Variants in CELF4 observed in about 807,000 individuals in gnomAD.
CELF4 encodes CUGBP Elav-like family member 4, also known as CUG-BP- and ETR-3-like factor 4.
Under a neutral mutation model 59.9 loss-of-function variants are expected in CELF4, and 18 were observed. That is an observed-to-expected ratio of 0.30 (90% CI 0.21 to 0.45). The LOEUF (loss-of-function observed/expected upper bound fraction) is 0.45. CELF4 is among the 20% of genes least tolerant of loss of function. The pLI, the probability that CELF4 is intolerant of heterozygous loss-of-function variation, is 1.00. For synonymous variants in CELF4, 261 were observed against 267.1 expected, an observed-to-expected ratio of 0.98 and a Z score of 0.22; for missense variants, 456 against 689.0, an observed-to-expected ratio of 0.66 and a Z score of 3.79.
At chr18:37,434,115 G>A (rs182807612) in intron 2 of CELF4, among the ~76,000 whole-genome samples, 378 of 152,244 alleles carry the variant, frequency 2.5e-3, no homozygotes, top group African/African-American at 8.7e-3. Context: ...TTGGGGAGAC[G>A]GGAAGCTGCA....
At chr18:37,435,339 G>A (rs2099687771) in intron 2 of CELF4, among the ~76,000 whole-genome samples, 1 of 152,184 alleles carries the variant, frequency 6.6e-6, no homozygotes, top group South Asian at 2.1e-4. Flanking sequence ...CCTGTCTGGT[G>A]TCCATGTGCA....
At chr18:37,445,620 C>T (rs1276543212) in intron 2 of CELF4, among the ~76,000 whole-genome samples, 4 of 151,840 alleles carry the variant, frequency 2.6e-5, no homozygotes, top group East Asian at 1.9e-4. Flanking sequence ...AGACAATGCC[C>T]GCAAGGATGG....
chr18:37,523,975 C>T (rs2099960586), intron 1 of CELF4, among the ~76,000 whole-genome samples: 2 of 152,228 alleles, frequency 1.3e-5, no homozygotes, highest in Admixed American at 6.5e-5. Flanking sequence ...TTTCTGCCTC[C>T]CAGCAGATGG....
At chr18:37,368,363 C>T (rs1450249472) in intron 2 of CELF4, among the ~76,000 whole-genome samples, 1 of 152,136 alleles carries the variant, frequency 6.6e-6, no homozygotes, top group Non-Finnish European at 1.5e-5. Context: ...CTCTTCAGCC[C>T]TTGTTGCCTG....
In CELF4 at chr18:37,426,215, C is replaced by A. The variant is rs562429145; in HGVS notation, c.369+59310G>T. ...AGGGTAAAGTGGACAAAGAACTGGG[C>A]AGGGGGAAGAATATCGGGACACTGG... On this transcript the variant is annotated intron_variant, in intron 2 of 12. Transcript: ENST00000420428. Among the ~76,000 whole-genome samples the A allele has an allele frequency of 1.8e-4, 27 of 152,302 alleles. No individual in the cohort carries two copies. In the South Asian group the frequency reaches 5.4e-3, roughly 30 times the overall value.
At position 37,274,442 on chromosome 18, in the gene CELF4, T is replaced by C; in HGVS notation, c.670A>G (p.Ser224Gly). 3.7e-6 allele frequency: 6 copies of C among 1,613,074 alleles called. No individual in the cohort carries two copies. Among genetic ancestry groups the C allele is most frequent in the Non-Finnish European group, 5.1e-6 (6 of 1,179,820 alleles). ...GSQTMPGASS[S>G]LVVKFADTDK... is the part of the protein sequence containing the mutation. ...GTGTCGGCGAACTTGACCACCAGAC[T>C]GGACGAGGCTCCCTGCGGCCGGGGC... The change falls in exon 6 of 13, where the codon AGT becomes GGT. Residue 224 changes from serine (S) to glycine (G), a missense_variant. Ser to Gly is a moderately conservative substitution (Grantham distance 56). Around this residue, in one of 7 missense-constraint regions of CELF4, gnomAD observed 56 missense variants for 92.0 expected, o/e 0.61. Transcript: ENST00000420428.
intron 2 of CELF4, among the ~76,000 whole-genome samples, chr18:37,451,017 A>G (rs925331157): frequency 2.6e-5 from 4 of 152,154 alleles, no homozygotes; most frequent in South Asian, 4.1e-4. Context: ...AGCAGCCCAC[A>G]TGTTGCAGTT....
intron 1 of CELF4, among the ~76,000 whole-genome samples, chr18:37,533,742 A>G (rs2099971289): frequency 6.6e-6 from 1 of 152,250 alleles, no homozygotes; most frequent in African/African-American, 2.4e-5. Flanking sequence ...GTATATCATC[A>G]GAGCTCCTGC....
At chr18:37,439,417 A>ATG (rs953229464) in intron 2 of CELF4, among the ~76,000 whole-genome samples, 8 of 151,970 alleles carry the variant, frequency 5.3e-5, no homozygotes, top group Non-Finnish European at 7.4e-5. Flanking sequence ...GCATGCATGC[A>ATG]TGTGTGTGTG....
chr18:37,534,697 T>C (rs1318136825), intron 1 of CELF4, among the ~76,000 whole-genome samples: 3 of 151,712 alleles, frequency 2.0e-5, no homozygotes, highest in Non-Finnish European at 4.4e-5. Context: ...ATAAACAAGA[T>C]CATTTAAAGG....
At chr18:37,480,943 T>C (rs961602210) in intron 2 of CELF4, among the ~76,000 whole-genome samples, 6 of 152,186 alleles carry the variant, frequency 3.9e-5, no homozygotes, top group Admixed American at 3.9e-4. Context: ...CAGTCTGAGA[T>C]AGCGGTGCTA....
rs1240524118 is a variant in CELF4, at chr18:37,254,006, G to A, written c.1334-68C>T. On this transcript the variant is annotated intron_variant, in intron 11 of 12. Transcript: ENST00000420428. This position sits in a 1 kb window ranked among gnomAD's most constrained non-coding sequence, Gnocchi z 5.1. ...CGCCCGGGGCGCTGCCGGCGGGGAG[G>A]GGTCGGGGGACAGGGGGGCGGGGCG... The A allele has an allele frequency of 1.5e-6, 2 of 1,372,998 alleles. No homozygotes were observed. Among genetic ancestry groups the A allele is most frequent in the South Asian group, 2.8e-5 (2 of 71,150 alleles). The allele number at this position is 1,372,998 out of a possible 1,614,324, so 85.1% of individuals were successfully genotyped here.
chr18:37,532,948 A>C (rs1252082685), intron 1 of CELF4, among the ~76,000 whole-genome samples: 2 of 152,246 alleles, frequency 1.3e-5, no homozygotes, highest in Non-Finnish European at 2.9e-5. Context: ...ACAATTATTC[A>C]GGCACCAAAG....
rs116618394 is a variant in CELF4 at position 37,344,741 on chromosome 18, C to T, written c.370-22860G>A. On this transcript the variant is annotated intron_variant, in intron 2 of 12. Coordinates refer to ENST00000420428, the MANE Select transcript of CELF4 (RefSeq NM_020180.4). ...CAGAGGGTTTTCAGAGGCATGCAGA[C>T]GCTCGTGAACCTGAAGACAGAAGCT... 5.3e-3 allele frequency among the ~76,000 whole-genome samples: 806 copies of T among 152,322 alleles called. 8 individuals are homozygous for T. The highest frequency in any genetic ancestry group is 0.018 in the African/African-American group (763 of 41,568).
intron 1 of CELF4, among the ~76,000 whole-genome samples, chr18:37,504,213 G>A (rs1052073857): frequency 3.9e-5 from 6 of 152,124 alleles, no homozygotes; most frequent in Non-Finnish European, 7.3e-5. Context: ...GCTTACGGCC[G>A]GGCACAGTGG....
At chr18:37,547,455 C>G (rs1053575920) in intron 1 of CELF4, among the ~76,000 whole-genome samples, 1 of 152,182 alleles carries the variant, frequency 6.6e-6, no homozygotes, top group African/African-American at 2.4e-5. Flanking sequence ...CAGGCCTCCC[C>G]TTACCTACAT....
At chr18:37,506,858 C>T (rs1313495235) in intron 1 of CELF4, among the ~76,000 whole-genome samples, 2 of 152,234 alleles carry the variant, frequency 1.3e-5, no homozygotes, top group Admixed American at 6.5e-5. Flanking sequence ...TTTTCTGCTT[C>T]CTAAGCTCCC....
intron 6 of CELF4, chr18:37,273,965 G>T: frequency 8.8e-7 from 1 of 1,131,520 alleles, no homozygotes; most frequent in South Asian, 2.4e-5. Flanking sequence ...TGCAACCAAT[G>T]ACCTGAACCT....
At chr18:37,331,007 A>G (rs1436664520) in intron 2 of CELF4, among the ~76,000 whole-genome samples, 1 of 152,158 alleles carries the variant, frequency 6.6e-6, no homozygotes, top group Non-Finnish European at 1.5e-5. Context: ...AACCCTCCAG[A>G]TAAGATTTTT....
Sources: gnomAD v4.1 joint callset for allele counts (sites outside exome capture counted in the v4.1 genomes callset) on GRCh38, gnomAD v4.1.1 for gene constraint, gnomAD v4.1.1 regional missense constraint, Gnocchi (gnomAD v3.1) non-coding constraint, MANE v1.5 for transcripts, NCBI Gene and HGNC (gene_info 2026-07-23, HGNC 2026-07-21) for gene names.